Variants in MYO3A observed in about 807,000 individuals in gnomAD.
The protein encoded by MYO3A is myosin-IIIa.
A neutral mutation model predicts 192.7 loss-of-function variants in MYO3A; 180 were observed. That is an observed-to-expected ratio of 0.93 (90% CI 0.83 to 1.06). MYO3A has a LOEUF of 1.06. Among genes scored for constraint, MYO3A ranks in the 50% least tolerant of loss-of-function variants. The pLI is 0.00. For synonymous variants in MYO3A, 628 were observed against 645.3 expected, an observed-to-expected ratio of 0.97 and a Z score of 0.41; for missense variants, 1,896 against 1,905.0, an observed-to-expected ratio of 1.00 and a Z score of 0.09.
chr10:25,961,132 G>A (rs1410009565), intron 4 of MYO3A, among the ~76,000 whole-genome samples: 1 of 152,016 alleles, frequency 6.6e-6, no homozygotes, highest in African/African-American at 2.4e-5. Flanking sequence ...AAACATTTTC[G>A]ATAATGAATT....
intron 10 of MYO3A, among the ~76,000 whole-genome samples, chr10:26,028,627 G>A (rs1161114170): frequency 2.6e-5 from 4 of 152,170 alleles, no homozygotes; most frequent in Non-Finnish European, 4.4e-5. Flanking sequence ...GATGTTCAAT[G>A]TCAAGAACTG....
At chr10:26,138,622 AG>A (rs2131818663) in intron 20 of MYO3A, among the ~76,000 whole-genome samples, 1 of 152,324 alleles carries the variant, frequency 6.6e-6, no homozygotes, top group East Asian at 1.9e-4. Context: ...TTGAAAGGCA[AG>A]AGAAGTCTTA....
At chr10:26,054,076 T>C (rs1844172407) in intron 10 of MYO3A, among the ~76,000 whole-genome samples, 1 of 151,996 alleles carries the variant, frequency 6.6e-6, no homozygotes. Flanking sequence ...GGACACACTG[T>C]TAGGAGATAC....
chr10:26,210,802 AACACGATGTGT>A (rs1701775247), intron 34 of MYO3A, among the ~76,000 whole-genome samples: 3 of 152,042 alleles, frequency 2.0e-5, no homozygotes, highest in Non-Finnish European at 4.4e-5. Context: ...CTGTTCCTTG[AACACGATGTGT>A]ACACTCTAGT....
chr10:26,099,091 A>T (rs991895932), intron 17 of MYO3A, among the ~76,000 whole-genome samples: 1 of 152,106 alleles, frequency 6.6e-6, no homozygotes, highest in Non-Finnish European at 1.5e-5. Context: ...TTCGTTGAGC[A>T]GTGGTTTGTA....
intron 6 of MYO3A, among the ~76,000 whole-genome samples, chr10:26,009,129 A>G (rs1841445442): frequency 6.7e-6 from 1 of 149,414 alleles, no homozygotes; most frequent in Non-Finnish European, 1.5e-5. Context: ...TTGCAAGAAC[A>G]AAAAACCAAA....
chr10:26,158,067 C>A (rs1035676187), intron 26 of MYO3A, among the ~76,000 whole-genome samples: 1 of 152,262 alleles, frequency 6.6e-6, no homozygotes, highest in Non-Finnish European at 1.5e-5. Flanking sequence ...TGGCCTATAA[C>A]CCTAACCTCA....
intron 31 of MYO3A, among the ~76,000 whole-genome samples, chr10:26,190,188 T>C (rs1410258640): frequency 6.6e-6 from 1 of 152,208 alleles, no homozygotes; most frequent in Non-Finnish European, 1.5e-5. Flanking sequence ...TCCAGAGTGA[T>C]TGCAATGGCA....
intron 10 of MYO3A, among the ~76,000 whole-genome samples, chr10:26,041,345 TTGTTGC>T (rs1246379176): frequency 6.9e-4 from 105 of 151,974 alleles, no homozygotes; most frequent in African/African-American, 2.1e-3. Context: ...GTTTTTGTTG[TTGTTGC>T]TGTTGTTGTT....
chr10:26,060,823 A>G (rs1834419983), intron 10 of MYO3A, among the ~76,000 whole-genome samples: 1 of 152,242 alleles, frequency 6.6e-6, no homozygotes, highest in Admixed American at 6.5e-5. Flanking sequence ...AAATGATTTA[A>G]AGCTATTTTC....
chr10:26,040,572 A>C (rs1204968225), intron 10 of MYO3A, among the ~76,000 whole-genome samples: 1 of 152,156 alleles, frequency 6.6e-6, no homozygotes, highest in East Asian at 1.9e-4. Context: ...GAGAGATGCA[A>C]AAATAATAAG....
chr10:26,059,966 A>G (rs1488476647), intron 10 of MYO3A, among the ~76,000 whole-genome samples: 2 of 152,218 alleles, frequency 1.3e-5, no homozygotes, highest in South Asian at 2.1e-4. Flanking sequence ...TACTAAAAAT[A>G]CAAAACTTAG....
At chr10:26,084,770 C>T (rs1836199602) in intron 14 of MYO3A, among the ~76,000 whole-genome samples, 1 of 152,214 alleles carries the variant, frequency 6.6e-6, no homozygotes, top group African/African-American at 2.4e-5. Context: ...TCTCAAAATG[C>T]TGGAATTATA....
At chr10:26,093,974 T>C (rs776958072) in intron 15 of MYO3A, among the ~76,000 whole-genome samples, 28 of 152,194 alleles carry the variant, frequency 1.8e-4, no homozygotes, top group Non-Finnish European at 2.6e-4. Context: ...CAGTGCAGAA[T>C]GCATGCTAAC....
chr10:25,980,109 C>T (rs1325260637), intron 4 of MYO3A, among the ~76,000 whole-genome samples: 13 of 151,902 alleles, frequency 8.6e-5, no homozygotes, highest in African/African-American at 1.9e-4. Context: ...TGGTGGCAGG[C>T]GCCTGTAGTC....
chr10:26,202,273 A>G (rs1253036750), intron 33 of MYO3A, among the ~76,000 whole-genome samples: 1 of 152,174 alleles, frequency 6.6e-6, no homozygotes, highest in Admixed American at 6.5e-5. Context: ...TTAGATTAGT[A>G]TCTGTAATTT....
At chr10:25,958,845 T>A (rs1837730458) in intron 4 of MYO3A, among the ~76,000 whole-genome samples, 1 of 152,090 alleles carries the variant, frequency 6.6e-6, no homozygotes. Flanking sequence ...ATTCATTTTG[T>A]GGCAATTTTA....
chr10:25,936,180 C>T (rs1836049712), intron 2 of MYO3A, among the ~76,000 whole-genome samples: 1 of 151,844 alleles, frequency 6.6e-6, no homozygotes, highest in South Asian at 2.1e-4. Flanking sequence ...TTGGTCATGT[C>T]ACATAATTTG....
At chr10:26,097,632 C>G (rs962544109) in intron 17 of MYO3A, among the ~76,000 whole-genome samples, 1 of 151,836 alleles carries the variant, frequency 6.6e-6, no homozygotes, top group East Asian at 1.9e-4. Context: ...TGAGAACATG[C>G]AGTGTTTCGT....
Sources: allele counts gnomAD v4.1 joint callset (sites outside exome capture counted in the v4.1 genomes callset), GRCh38; gene constraint gnomAD v4.1.1; transcripts MANE v1.5; gene names NCBI Gene and HGNC (gene_info 2026-07-23, HGNC 2026-07-21).